Variants in TM4SF4 observed in about 807,000 individuals in gnomAD.
The protein encoded by TM4SF4 is transmembrane 4 L6 family member 4.
TM4SF4 carries 24 observed loss-of-function variants against 24.1 expected under a neutral mutation model. The observed-to-expected ratio is 1.00, with a 90% CI of 0.72 to 1.40. The LOEUF (loss-of-function observed/expected upper bound fraction) is 1.40. Ranked by LOEUF, TM4SF4 falls within the 40% of genes most tolerant of loss-of-function variation. TM4SF4 has a pLI of 0.00. For synonymous variants in TM4SF4, 113 were observed against 97.0 expected (o/e 1.17, Z -0.97); for missense variants, 254 against 254.2 (o/e 1.00, Z 0.01).
chr3:149,481,022 A>G (rs1329960829), intron 2 of TM4SF4, among the ~76,000 whole-genome samples: 3 of 151,938 alleles, frequency 2.0e-5, no homozygotes, highest in Admixed American at 6.6e-5. Flanking sequence ...CACCACGCCC[A>G]GCTAATTTTT....
intron 4 of TM4SF4, among the ~76,000 whole-genome samples, chr3:149,499,721 A>T (rs965765177): frequency 1.3e-5 from 2 of 152,144 alleles, no homozygotes; most frequent in African/African-American, 4.8e-5. Context: ...TAAATTTTAA[A>T]TAAGAAGGTC....
rs1246093782 is a variant in TM4SF4 at position 149,475,984 on chromosome 3, G to A, written c.264+72G>A. The A allele has an allele frequency of 4.5e-6, 6 of 1,330,236 alleles. No individual in the cohort carries two copies. The South Asian group carries it at 6.2e-5, about 14-fold the overall frequency. 82.4% of individuals were successfully genotyped at this position (1,330,236 alleles called of 1,614,324 possible). On this transcript the variant is annotated intron_variant, in intron 2 of 4. Transcript: ENST00000305354. Reference sequence around the variant, plus strand: ...TGTGCTTTTGTGCTGGGCAGCATGGGGATGGAGACAAGTTATCAGCTCCAG... The same window carrying A: ...TGTGCTTTTGTGCTGGGCAGCATGGAGATGGAGACAAGTTATCAGCTCCAG...
intron 3 of TM4SF4, among the ~76,000 whole-genome samples, chr3:149,490,303 A>T (rs1424075598): frequency 3.3e-5 from 5 of 152,240 alleles, no homozygotes; most frequent in Admixed American, 3.3e-4. Flanking sequence ...TACTACTGCC[A>T]GCTCCAAATC....
At chr3:149,479,567 CAGACTAATTTGGGG>C (rs1466705550) in intron 2 of TM4SF4, among the ~76,000 whole-genome samples, 68 of 152,226 alleles carry the variant, frequency 4.5e-4, no homozygotes, top group African/African-American at 1.6e-3. Context: ...GCAAAAACTG[CAGACTAATTTGGGG>C]AGAACTAAAC....
chr3:149,502,725 C>A lies in TM4SF4; in HGVS notation c.*32C>A. 1 of 1,532,206 alleles carries A rather than the reference C, an allele frequency of 6.5e-7. No homozygotes were observed. Among genetic ancestry groups the A allele is most frequent in the Non-Finnish European group, 9.0e-7 (1 of 1,108,488 alleles). The allele number at this position is 1,532,206 out of a possible 1,614,324, so 94.9% of individuals were successfully genotyped here. ...GAGATGAGCTGCTCAGACTCTACAGCATGACGACTACAATTTCTTTTCATA... is the reference window on the plus strand; with the variant it reads ...GAGATGAGCTGCTCAGACTCTACAGAATGACGACTACAATTTCTTTTCATA... On this transcript the variant is annotated 3_prime_UTR_variant, in exon 5 of 5. Coordinates refer to ENST00000305354, the MANE Select transcript of TM4SF4 (RefSeq NM_004617.4).
chr3:149,476,814 GTTTTT>G (rs67092416), intron 2 of TM4SF4, among the ~76,000 whole-genome samples: 1 of 81,212 alleles, frequency 1.2e-5, no homozygotes, highest in Non-Finnish European at 2.5e-5. Flanking sequence ...TTTTGTTTTT[GTTTTT>G]TTTTTTTTTT....
chr3:149,501,357 C>T (rs1447588129), intron 4 of TM4SF4, among the ~76,000 whole-genome samples: 2 of 152,130 alleles, frequency 1.3e-5, no homozygotes, highest in African/African-American at 4.8e-5. Context: ...CATCTCTCCT[C>T]TCTGTCTCTC....
At chr3:149,500,368 T>C (rs1734395931) in intron 4 of TM4SF4, among the ~76,000 whole-genome samples, 1 of 152,008 alleles carries the variant, frequency 6.6e-6, no homozygotes, top group Non-Finnish European at 1.5e-5. Context: ...TTAATAATTA[T>C]ATATTACTTT....
chr3:149,475,388 C>A (rs904655211), intron 1 of TM4SF4, among the ~76,000 whole-genome samples: 4 of 152,056 alleles, frequency 2.6e-5, no homozygotes, highest in Non-Finnish European at 5.9e-5. Context: ...GATGCAAACC[C>A]ACTAGAAAAG....
At chr3:149,499,722 TAAG>T (rs1176746018) in intron 4 of TM4SF4, among the ~76,000 whole-genome samples, 2 of 152,032 alleles carry the variant, frequency 1.3e-5, no homozygotes, top group Admixed American at 1.3e-4. Context: ...AAATTTTAAA[TAAG>T]AAGGTCAAGC....
At chr3:149,499,855 A>G (rs926408163) in intron 4 of TM4SF4, among the ~76,000 whole-genome samples, 3 of 152,212 alleles carry the variant, frequency 2.0e-5, no homozygotes, top group African/African-American at 7.2e-5. Flanking sequence ...AGTCTGTGTG[A>G]CAGAGTGAGA....
At chr3:149,491,512 TAC>T (rs1333444206) in intron 3 of TM4SF4, among the ~76,000 whole-genome samples, 73 of 151,584 alleles carry the variant, frequency 4.8e-4, no homozygotes, top group African/African-American at 1.7e-3. Context: ...TATATATATA[TAC>T]ACACACACAC....
rs775160245 is a variant in TM4SF4 at position 149,498,913 on chromosome 3, T to C, written c.591+2T>C. 16 of 1,613,504 alleles carry C rather than the reference T, an allele frequency of 9.9e-6. No individual in the cohort carries two copies. The East Asian group carries it at 3.6e-4, about 36-fold the overall frequency. ...TGCCAGTGTTGTGGCTGCTGTGGGG[T>C]AAGTTCAGGCTTTTGCTGTTTCTTC... is the stretch of plus-strand genomic sequence containing the variant. On this transcript the variant is annotated splice_donor_variant, in intron 4 of 4. Coordinates refer to ENST00000305354, the MANE Select transcript of TM4SF4 (RefSeq NM_004617.4). LOFTEE classifies it high-confidence loss of function.
At chr3:149,485,313 G>A (rs1734096858) in intron 2 of TM4SF4, among the ~76,000 whole-genome samples, 1 of 152,214 alleles carries the variant, frequency 6.6e-6, no homozygotes, top group Non-Finnish European at 1.5e-5. Context: ...CTTTGGAAAA[G>A]AGATTGCCTG....
rs71619312 is a variant in TM4SF4, at chr3:149,485,791, T to TAAAAACAAAAAC, written c.265-1810_265-1799dup. On this transcript the variant is annotated intron_variant, in intron 2 of 4. Transcript: ENST00000305354. ...CTGGGTGACAGGGCAAGACCCTGTC[T>TAAAAACAAAAAC]AAAAACAAAAACAAAAACAAAAACA... is the stretch of plus-strand genomic sequence containing the variant. Among the ~76,000 whole-genome samples, 32 of 150,668 alleles carry TAAAAACAAAAAC rather than the reference T, an allele frequency of 2.1e-4. No homozygotes were observed. In the East Asian group the frequency reaches 2.7e-3, roughly 13 times the overall value.
Position 149,495,965 on chromosome 3 carries a change from G to T in TM4SF4, c.402-2757G>T, listed in dbSNP as rs78666679. ...AAGAAGGTTGCTGACCAGAAGGCTT[G>T]GCAAGGTCACCAAGTCTGCCCAGAA... On this transcript the variant is annotated intron_variant, in intron 3 of 4. Coordinates refer to ENST00000305354, the MANE Select transcript of TM4SF4 (RefSeq NM_004617.4). The T allele has an allele frequency of 5.6e-3, 1,540 of 272,584 alleles. 27 individuals carry two copies. Among genetic ancestry groups the T allele is most frequent in the African/African-American group, 0.033 (1,443 of 44,070 alleles). The allele number at this position is 272,584 out of a possible 1,614,324, so 16.9% of individuals were successfully genotyped here.
chr3:149,495,256 A>G (rs1203933926), intron 3 of TM4SF4: 1 of 217,294 alleles, frequency 4.6e-6, no homozygotes, highest in Admixed American at 5.5e-5. Context: ...AGAGCCAAGT[A>G]GTAACATGCC....
intron 4 of TM4SF4, among the ~76,000 whole-genome samples, chr3:149,499,392 G>A (rs183510246): frequency 2.0e-3 from 309 of 152,224 alleles, no homozygotes; most frequent in Middle Eastern, 3.4e-3. Flanking sequence ...AAAAGAGGTA[G>A]TTCTTATATG....
intron 3 of TM4SF4, among the ~76,000 whole-genome samples, chr3:149,492,294 AT>A (rs1477611970): frequency 6.6e-6 from 1 of 152,186 alleles, no homozygotes; most frequent in Admixed American, 6.5e-5. Flanking sequence ...ATGCCATAGC[AT>A]TTAGCACTGT....
Sources: allele counts gnomAD v4.1 joint callset (sites outside exome capture counted in the v4.1 genomes callset), GRCh38; gene constraint gnomAD v4.1.1; transcripts MANE v1.5; gene names NCBI Gene and HGNC (gene_info 2026-07-23, HGNC 2026-07-21).